The following ENOX1 variants were observed in gnomAD, a reference collection of about 807,000 sequenced individuals.
ENOX1 encodes the protein ecto-NOX disulfide-thiol exchanger 1, also known as candidate growth-related and time keeping constitutive hydroquinone (NADH) oxidase.
In ENOX1, 42 loss-of-function variants were observed where a neutral mutation model predicts 82.5. The observed-to-expected ratio is 0.51, with a 90% CI of 0.40 to 0.66. The LOEUF (loss-of-function observed/expected upper bound fraction) is 0.66. Among genes scored for constraint, ENOX1 ranks in the 30% least tolerant of loss-of-function variants. ENOX1 has a pLI of 0.00. For synonymous variants in ENOX1, 271 were observed against 282.2 expected, an observed-to-expected ratio of 0.96 and a Z score of 0.40; for missense variants, 608 against 811.6, an observed-to-expected ratio of 0.75 and a Z score of 3.05.
At chr13:43,401,136 T>C (rs762175350) in intron 5 of ENOX1, among the ~76,000 whole-genome samples, 15 of 152,200 alleles carry the variant, frequency 9.9e-5, no homozygotes, top group Non-Finnish European at 1.9e-4. Flanking sequence ...ATTATTCTTT[T>C]TAGTGTTCCT....
intron 3 of ENOX1, among the ~76,000 whole-genome samples, chr13:43,438,032 T>G (rs560165312): frequency 6.6e-6 from 1 of 152,138 alleles, no homozygotes; most frequent in Non-Finnish European, 1.5e-5. Context: ...AATACTTCTG[T>G]GTGAAAAGTA....
intron 2 of ENOX1, among the ~76,000 whole-genome samples, chr13:43,550,003 G>A (rs988169147): frequency 6.6e-6 from 1 of 152,176 alleles, no homozygotes; most frequent in African/African-American, 2.4e-5. Flanking sequence ...GGATGAAACT[G>A]TTCTACCTCA....
intron 3 of ENOX1, among the ~76,000 whole-genome samples, chr13:43,450,975 G>A (rs1460519066): frequency 6.6e-6 from 1 of 152,166 alleles, no homozygotes; most frequent in East Asian, 1.9e-4. Flanking sequence ...AAACTTCACT[G>A]TCCACAGGGA....
intron 3 of ENOX1, among the ~76,000 whole-genome samples, chr13:43,433,317 C>T (rs180956035): frequency 8.5e-5 from 13 of 152,188 alleles, no homozygotes; most frequent in Admixed American, 7.8e-4. Flanking sequence ...CTTCCTTGAG[C>T]GAGAACTCAC....
intron 14 of ENOX1, among the ~76,000 whole-genome samples, chr13:43,237,754 T>C (rs1038814223): frequency 6.6e-6 from 1 of 152,144 alleles, no homozygotes; most frequent in Admixed American, 6.6e-5. Flanking sequence ...GTACAGGAAG[T>C]ATTGGGAGCA....
chr13:43,600,532 T>C (rs866472424), intron 2 of ENOX1, among the ~76,000 whole-genome samples: 7 of 152,066 alleles, frequency 4.6e-5, no homozygotes, highest in Middle Eastern at 3.4e-3. Context: ...GAGAATCAGG[T>C]AGATTATTAA....
At chr13:43,620,582 A>G (rs936236869) in intron 2 of ENOX1, among the ~76,000 whole-genome samples, 3 of 152,088 alleles carry the variant, frequency 2.0e-5, no homozygotes, top group Non-Finnish European at 4.4e-5. Flanking sequence ...GTTGATTTCC[A>G]GTTTTATTCC....
At chr13:43,247,547 G>C (rs2043143943) in intron 14 of ENOX1, among the ~76,000 whole-genome samples, 1 of 151,746 alleles carries the variant, frequency 6.6e-6, no homozygotes, top group Admixed American at 6.6e-5. Context: ...AGCTATAGCA[G>C]TGTGAGTTAC....
chr13:43,241,870 T>C (rs750935058), intron 14 of ENOX1, among the ~76,000 whole-genome samples: 10 of 152,208 alleles, frequency 6.6e-5, no homozygotes, highest in Non-Finnish European at 1.5e-4. Flanking sequence ...TCTTTTTCAA[T>C]AGCTTATTGA....
chr13:43,718,165 A>C (rs1157671972), intron 1 of ENOX1, among the ~76,000 whole-genome samples: 6 of 152,238 alleles, frequency 3.9e-5, no homozygotes, highest in Admixed American at 3.3e-4. Flanking sequence ...GATAAAGACA[A>C]GGTAGTACAT....
intron 7 of ENOX1, among the ~76,000 whole-genome samples, chr13:43,358,912 GT>G (rs1321114129): frequency 6.6e-6 from 1 of 152,188 alleles, no homozygotes; most frequent in Non-Finnish European, 1.5e-5. Context: ...GAAATAAGGG[GT>G]TTTAAAGTTC....
chr13:43,404,317 C>G (rs951820696), intron 5 of ENOX1, among the ~76,000 whole-genome samples: 3 of 152,188 alleles, frequency 2.0e-5, no homozygotes, highest in African/African-American at 7.2e-5. Context: ...CCCACTCCAT[C>G]CCAACCACCA....
At chr13:43,402,100 T>C (rs1423039560) in intron 5 of ENOX1, among the ~76,000 whole-genome samples, 1 of 152,116 alleles carries the variant, frequency 6.6e-6, no homozygotes, top group Non-Finnish European at 1.5e-5. Context: ...TCACAGATAA[T>C]AGAATCAGTA....
intron 5 of ENOX1, among the ~76,000 whole-genome samples, chr13:43,411,166 C>A (rs2054103387): frequency 1.3e-5 from 2 of 152,134 alleles, no homozygotes; most frequent in Admixed American, 6.6e-5. Flanking sequence ...TCATTTTTAT[C>A]ATTGTTTTTC....
intron 8 of ENOX1, among the ~76,000 whole-genome samples, chr13:43,353,735 T>A (rs530601064): frequency 3.9e-5 from 6 of 152,234 alleles, no homozygotes; most frequent in Non-Finnish European, 8.8e-5. Flanking sequence ...CCCCAGCTAG[T>A]TCATTCTACT....
chr13:43,648,374 C>A (rs1483062562), intron 2 of ENOX1, among the ~76,000 whole-genome samples: 1 of 152,176 alleles, frequency 6.6e-6, no homozygotes, highest in African/African-American at 2.4e-5. Context: ...ACGCAGCTTA[C>A]AACTCAAAGC....
chr13:43,777,954 A>G (rs17600176), intron 1 of ENOX1, among the ~76,000 whole-genome samples: 4,881 of 152,138 alleles, frequency 0.032, 200 homozygotes, highest in East Asian at 0.22. Flanking sequence ...GGCCCCTTAC[A>G]CTCACATGCT....
intron 11 of ENOX1, among the ~76,000 whole-genome samples, chr13:43,310,852 C>T (rs1031773824): frequency 6.6e-6 from 1 of 151,714 alleles, no homozygotes; most frequent in South Asian, 2.1e-4. Flanking sequence ...ATAAACTTGC[C>T]CAAACAGCTC....
At chr13:43,299,486 T>C (rs996393915) in intron 11 of ENOX1, among the ~76,000 whole-genome samples, 3 of 152,178 alleles carry the variant, frequency 2.0e-5, no homozygotes, top group Non-Finnish European at 4.4e-5. Flanking sequence ...GCTGGTCTTA[T>C]GCTCATCTTT....
Sources: gnomAD v4.1 joint callset for allele counts (sites outside exome capture counted in the v4.1 genomes callset) on GRCh38, gnomAD v4.1.1 for gene constraint, MANE v1.5 for transcripts, NCBI Gene and HGNC (gene_info 2026-07-23, HGNC 2026-07-21) for gene names.